Variants in CENPW observed in about 807,000 individuals in gnomAD.
CENPW encodes the protein cancer-up-regulated gene 2 protein.
Under a neutral mutation model 11.1 loss-of-function variants are expected in CENPW, and 3 were observed. That is an observed-to-expected ratio of 0.27 (90% CI 0.12 to 0.70). The LOEUF (loss-of-function observed/expected upper bound fraction) is 0.70, where lower values mean the gene tolerates loss of function less well. Ranked by LOEUF, CENPW falls within the 30% of genes least tolerant of loss-of-function variation. The pLI, the probability that CENPW is intolerant of heterozygous loss-of-function variation, is 0.77. For synonymous variants in CENPW, 38 were observed against 42.0 expected, an observed-to-expected ratio of 0.91 and a Z score of 0.37; for missense variants, 100 against 105.6, an observed-to-expected ratio of 0.95 and a Z score of 0.23.
chr6:126,457,798 C>T, the CENPW span, among the ~76,000 whole-genome samples: 1 of 151,462 alleles, frequency 6.6e-6, no homozygotes, highest in East Asian at 1.9e-4. Flanking sequence ...GAACACAACA[C>T]TCTGAAAGGA....
At chr6:126,352,373 A>T (rs1380430844), downstream of CENPW, among the ~76,000 whole-genome samples, 16 of 152,116 alleles carry the variant, frequency 1.1e-4, no homozygotes, top group Admixed American at 1.0e-3. Flanking sequence ...CAAAAGAGGG[A>T]TTGATACTCT....
chr6:126,413,717 A>G, the CENPW span, among the ~76,000 whole-genome samples: 1 of 151,920 alleles, frequency 6.6e-6, no homozygotes, highest in African/African-American at 2.4e-5. Flanking sequence ...CATAAAAAAA[A>G]CCACCATATC....
the CENPW span, among the ~76,000 whole-genome samples, chr6:126,376,257 C>T: frequency 7.2e-5 from 11 of 152,266 alleles, no homozygotes; most frequent in East Asian, 1.9e-3. Flanking sequence ...CCATTCAGCT[C>T]TGCATGCATA....
the CENPW span, among the ~76,000 whole-genome samples, chr6:126,396,598 C>T: frequency 6.6e-6 from 1 of 152,086 alleles, no homozygotes; most frequent in Admixed American, 6.5e-5. Context: ...TTACCTTTCT[C>T]TCTGCTTTTC....
At chr6:126,453,145 T>C in the CENPW span, among the ~76,000 whole-genome samples, 1 of 151,056 alleles carries the variant, frequency 6.6e-6, no homozygotes, top group Non-Finnish European at 1.5e-5. Context: ...TTTGAAGATA[T>C]CATTCATAAA....
chr6:126,349,370 T>G (rs1384987891), downstream of CENPW, among the ~76,000 whole-genome samples: 1 of 151,758 alleles, frequency 6.6e-6, no homozygotes, highest in Non-Finnish European at 1.5e-5. Flanking sequence ...GTTTAACCAT[T>G]ACTGTAATTA....
chr6:126,401,595 T>G, the CENPW span, among the ~76,000 whole-genome samples: 50 of 152,018 alleles, frequency 3.3e-4, no homozygotes, highest in Non-Finnish European at 6.2e-4. Context: ...CCTTGCTCTA[T>G]TGGATTTTTT....
chr6:126,436,210 C>T, the CENPW span, among the ~76,000 whole-genome samples: 1 of 151,706 alleles, frequency 6.6e-6, no homozygotes, highest in Non-Finnish European at 1.5e-5. Context: ...TGTAATCCTA[C>T]CTAGAATCAG....
chr6:126,344,798 T>G (rs769060938), intron 1 of CENPW, among the ~76,000 whole-genome samples: 1 of 152,204 alleles, frequency 6.6e-6, no homozygotes, highest in African/African-American at 2.4e-5. Flanking sequence ...GATTTCTGCA[T>G]TATATAAAGC....
chr6:126,358,013 T>A, the CENPW span, among the ~76,000 whole-genome samples: 2 of 152,190 alleles, frequency 1.3e-5, no homozygotes, highest in African/African-American at 4.8e-5. Context: ...TGACTTTCAG[T>A]TTGAATGTTA....
chr6:126,394,213 A>AT, the CENPW span, among the ~76,000 whole-genome samples: 74,504 of 149,284 alleles, frequency 0.5, 19,450 homozygotes, highest in East Asian at 0.97. Context: ...TCCTTCTTTT[A>AT]TTTTTTTTCT....
chr6:126,439,228 A>G, the CENPW span, among the ~76,000 whole-genome samples: 2 of 151,772 alleles, frequency 1.3e-5, no homozygotes, highest in South Asian at 2.1e-4. Flanking sequence ...AAAGTATTGT[A>G]GAATATGTAC....
chr6:126,415,061 A>T, the CENPW span, among the ~76,000 whole-genome samples: 1 of 152,112 alleles, frequency 6.6e-6, no homozygotes. Flanking sequence ...CAAAAACTGA[A>T]CAGATCAATA....
chr6:126,351,314 T>C (rs1780488557), downstream of CENPW, among the ~76,000 whole-genome samples: 1 of 152,086 alleles, frequency 6.6e-6, no homozygotes, highest in African/African-American at 2.4e-5. Flanking sequence ...TTTGGGAGGC[T>C]TTCTTGTAGA....
chr6:126,455,888 A>G, the CENPW span, among the ~76,000 whole-genome samples: 1 of 151,362 alleles, frequency 6.6e-6, no homozygotes, highest in African/African-American at 2.4e-5. Flanking sequence ...TGGATACAAA[A>G]TTAATATACA....
the CENPW span, among the ~76,000 whole-genome samples, chr6:126,380,254 A>T: frequency 6.6e-6 from 1 of 152,114 alleles, no homozygotes. Flanking sequence ...TTGCTTTCAA[A>T]TTGTGTATTG....
At chr6:126,444,691 G>A in the CENPW span, among the ~76,000 whole-genome samples, 1 of 150,734 alleles carries the variant, frequency 6.6e-6, no homozygotes, top group Non-Finnish European at 1.5e-5. Context: ...GAAATATTAG[G>A]AAATATTTTT....
At chr6:126,400,247 C>G in the CENPW span, among the ~76,000 whole-genome samples, 1 of 152,008 alleles carries the variant, frequency 6.6e-6, no homozygotes. Flanking sequence ...CAACAGCAGT[C>G]TTCTCAGTTT....
the CENPW span, among the ~76,000 whole-genome samples, chr6:126,361,817 C>T: frequency 2.1e-4 from 32 of 152,094 alleles, no homozygotes; most frequent in Admixed American, 1.0e-3. Context: ...AGAGGCATGC[C>T]CCACTGCCAC....
Sources: gnomAD v4.1 joint callset for allele counts (sites outside exome capture counted in the v4.1 genomes callset) on GRCh38, gnomAD v4.1.1 for gene constraint, MANE v1.5 for transcripts, NCBI Gene and HGNC (gene_info 2026-07-23, HGNC 2026-07-21) for gene names.